Variants in MOB3B observed in about 807,000 individuals in gnomAD.
MOB3B encodes MOB kinase activator 3B.
Under a neutral mutation model 18.7 loss-of-function variants are expected in MOB3B, and 7 were observed. That is an observed-to-expected ratio of 0.37 (90% CI 0.21 to 0.70). MOB3B has a LOEUF of 0.70. MOB3B is among the 30% of genes least tolerant of loss of function. MOB3B has a pLI of 0.52. For synonymous variants in MOB3B, 111 were observed against 99.9 expected, an observed-to-expected ratio of 1.11 and a Z score of -0.66; for missense variants, 253 against 281.3, an observed-to-expected ratio of 0.90 and a Z score of 0.72.
intron 1 of MOB3B, among the ~76,000 whole-genome samples, chr9:27,520,125 G>A (rs539511634): frequency 3.0e-4 from 45 of 152,274 alleles, no homozygotes; most frequent in Middle Eastern, 3.4e-3. Context: ...TCTTTTCATG[G>A]AGAGCAATAA....
At chr9:27,500,814 C>T (rs1349668290) in intron 1 of MOB3B, among the ~76,000 whole-genome samples, 1 of 152,066 alleles carries the variant, frequency 6.6e-6, no homozygotes, top group Non-Finnish European at 1.5e-5. Flanking sequence ...AACAGGCAAC[C>T]TACAGAATGG....
At chr9:27,358,990 C>T (rs761435803) in intron 3 of MOB3B, 44 bp downstream of exon 3, 1 of 1,592,512 alleles carries the variant, frequency 6.3e-7, no homozygotes, top group South Asian at 1.1e-5. Context: ...AATGGCCGAG[C>T]TCCTGGGGTG....
intron 2 of MOB3B, among the ~76,000 whole-genome samples, chr9:27,447,838 G>T (rs1002324989): frequency 5.3e-5 from 8 of 152,200 alleles, no homozygotes; most frequent in Non-Finnish European, 7.3e-5. Context: ...CCAGTGGGGT[G>T]CAGGGAGTGG....
intron 2 of MOB3B, among the ~76,000 whole-genome samples, chr9:27,451,138 T>C (rs1007394366): frequency 6.6e-6 from 1 of 152,206 alleles, no homozygotes; most frequent in African/African-American, 2.4e-5. Context: ...TCCTATTATA[T>C]AACAGAAAAA....
intron 2 of MOB3B, among the ~76,000 whole-genome samples, chr9:27,363,372 C>T (rs1000166392): frequency 2.6e-5 from 4 of 152,066 alleles, no homozygotes; most frequent in Admixed American, 6.5e-5. Flanking sequence ...AGGTTCATGC[C>T]ATTCTCCTGC....
chr9:27,456,352 G>A (rs919924254), intron 1 of MOB3B, among the ~76,000 whole-genome samples: 3 of 152,158 alleles, frequency 2.0e-5, no homozygotes, highest in African/African-American at 4.8e-5. Context: ...CAGAGCCACG[G>A]AGGAAGAGGA....
chr9:27,502,223 G>T (rs1360066147), intron 1 of MOB3B, among the ~76,000 whole-genome samples: 1 of 152,166 alleles, frequency 6.6e-6, no homozygotes, highest in East Asian at 1.9e-4. Flanking sequence ...CAAAACCACA[G>T]CAATCTTTAT....
chr9:27,385,868 G>A (rs1262737843), intron 2 of MOB3B, among the ~76,000 whole-genome samples: 3 of 152,242 alleles, frequency 2.0e-5, no homozygotes, highest in South Asian at 2.1e-4. Context: ...AAGCCCTGGA[G>A]CACCTTGAGG....
intron 2 of MOB3B, among the ~76,000 whole-genome samples, chr9:27,366,984 T>C (rs911717409): frequency 6.6e-6 from 1 of 152,232 alleles, no homozygotes; most frequent in Non-Finnish European, 1.5e-5. Flanking sequence ...CACATGTATC[T>C]GTGGGAGTCT....
intron 2 of MOB3B, among the ~76,000 whole-genome samples, chr9:27,359,658 C>A (rs868063649): frequency 6.6e-6 from 1 of 152,130 alleles, no homozygotes; most frequent in African/African-American, 2.4e-5. Context: ...GTCTGCAAAG[C>A]TTTTCCTGAG....
chr9:27,460,748 C>CAT (rs1819274267), intron 1 of MOB3B, among the ~76,000 whole-genome samples: 1 of 152,140 alleles, frequency 6.6e-6, no homozygotes, highest in Non-Finnish European at 1.5e-5. Flanking sequence ...ATAGGAAGGC[C>CAT]ATAAGAGAAA....
intron 2 of MOB3B, among the ~76,000 whole-genome samples, chr9:27,424,634 T>C (rs1461806714): frequency 2.0e-5 from 3 of 152,230 alleles, no homozygotes; most frequent in African/African-American, 4.8e-5. Flanking sequence ...ACATGACTTC[T>C]GCCCAATCCA....
intron 3 of MOB3B, among the ~76,000 whole-genome samples, chr9:27,343,559 T>C (rs906946264): frequency 5.9e-5 from 9 of 151,878 alleles, no homozygotes; most frequent in South Asian, 2.1e-4. Context: ...TCTTTCCTTA[T>C]TCTCAGACTC....
At chr9:27,522,253 AAAAAAAAAAAAAAG>A (rs1356729279) in intron 1 of MOB3B, among the ~76,000 whole-genome samples, 2 of 145,156 alleles carry the variant, frequency 1.4e-5, no homozygotes, top group African/African-American at 5.0e-5. Flanking sequence ...AAAAAAAAAA[AAAAAAAAAAAAAAG>A]AAAAGAAAGA....
At position 27,460,877 on chromosome 9, in the gene MOB3B, T is replaced by C. The variant is rs1819276384; in HGVS notation, c.-198-5129A>G. On this transcript the variant is annotated intron_variant, in intron 1 of 3. Coordinates refer to ENST00000262244, the MANE Select transcript of MOB3B (RefSeq NM_024761.5). ...TAAATGACAGTGAATTACGAACATT[T>C]TACATCACAGTGAAACCACAAAAGA... Among the ~76,000 whole-genome samples the C allele has an allele frequency of 2.0e-5, 3 of 152,312 alleles. 1 individual carries two copies. In the Middle Eastern group the frequency reaches 0.01, roughly 518 times the overall value.
chr9:27,447,381 G>T (rs912412293), intron 2 of MOB3B, among the ~76,000 whole-genome samples: 1 of 152,156 alleles, frequency 6.6e-6, no homozygotes, highest in African/African-American at 2.4e-5. Flanking sequence ...GACAAATGAC[G>T]AATGGAATAA....
At chr9:27,346,000 C>A (rs1039860906) in intron 3 of MOB3B, among the ~76,000 whole-genome samples, 4 of 152,194 alleles carry the variant, frequency 2.6e-5, no homozygotes, top group African/African-American at 9.7e-5. Context: ...TTCCAAAATT[C>A]ATGCTGGAAC....
chr9:27,340,823 A>G (rs1820929801), intron 3 of MOB3B, among the ~76,000 whole-genome samples: 1 of 152,050 alleles, frequency 6.6e-6, no homozygotes, highest in Non-Finnish European at 1.5e-5. Flanking sequence ...TCTGTTACCC[A>G]ACTTCTCCAG....
In MOB3B at chr9:27,448,915, C is replaced by T. The variant is rs74539932; in HGVS notation, c.418+6218G>A. 9.5e-3 allele frequency among the ~76,000 whole-genome samples: 1,452 copies of T among 152,244 alleles called. 21 individuals carry two copies. Among genetic ancestry groups the T allele is most frequent in the African/African-American group, 0.032 (1,335 of 41,516 alleles). On this transcript the variant is annotated intron_variant, in intron 2 of 3. Transcript: ENST00000262244. ...TCTTGAAGGATCAAATGTAGGTAAC[C>T]TTGCCCAACGTTATTTTAATGAGTA...
Sources: allele counts gnomAD v4.1 joint callset (sites outside exome capture counted in the v4.1 genomes callset), GRCh38; gene constraint gnomAD v4.1.1; transcripts MANE v1.5; gene names NCBI Gene and HGNC (gene_info 2026-07-23, HGNC 2026-07-21).